The following NTRK3 variants were observed in gnomAD, a reference collection of about 807,000 sequenced individuals.
The protein encoded by NTRK3 is neurotrophic receptor tyrosine kinase 3.
NTRK3 carries 24 observed loss-of-function variants against 91.7 expected under a neutral mutation model. The ratio of observed to expected loss-of-function variants is 0.26; its 90% confidence interval spans 0.19 to 0.37. The LOEUF (loss-of-function observed/expected upper bound fraction) is 0.37, where lower values mean the gene tolerates loss of function less well. NTRK3 is among the 10% of genes least tolerant of loss of function. The probability of loss-of-function intolerance (pLI) is 1.00; values close to 1 mark genes in which losing one functional copy is unlikely to be tolerated. For missense variants in NTRK3, 880 were observed against 1,068.9 expected, an observed-to-expected ratio of 0.82 and a Z score of 2.46; for synonymous variants, 483 against 404.0, an observed-to-expected ratio of 1.20 and a Z score of -2.34.
exon 14 of NTRK3, chr15:88,032,868 T>G: frequency 6.2e-7 from 1 of 1,613,748 alleles, no homozygotes; most frequent in Non-Finnish European, 8.5e-7. Flanking sequence ...CGTGTCCGGC[T>G]TGTGGCAGTT....
chr15:88,030,815 G>A (rs2078465362), intron 14 of NTRK3, among the ~76,000 whole-genome samples: 1 of 151,500 alleles, frequency 6.6e-6, no homozygotes, highest in Non-Finnish European at 1.5e-5. Flanking sequence ...CCTGTCATCT[G>A]TCATATTTAT....
At chr15:88,148,442 A>C (rs1362867172) in intron 5 of NTRK3, among the ~76,000 whole-genome samples, 3 of 152,190 alleles carry the variant, frequency 2.0e-5, no homozygotes, top group Admixed American at 1.3e-4. Flanking sequence ...AGGAGTGCGG[A>C]GGGCTCAGAG....
chr15:88,177,828 A>G (rs1435234930), intron 5 of NTRK3, among the ~76,000 whole-genome samples: 1 of 152,236 alleles, frequency 6.6e-6, no homozygotes, highest in East Asian at 1.9e-4. Context: ...CTTTAATAGC[A>G]AAAACATATA....
intron 13 of NTRK3, among the ~76,000 whole-genome samples, chr15:88,048,029 G>A (rs1395213697): frequency 2.6e-5 from 4 of 152,172 alleles, no homozygotes; most frequent in African/African-American, 9.7e-5. Flanking sequence ...GAGGGGCCTA[G>A]CAAGTATCCT....
intron 14 of NTRK3, among the ~76,000 whole-genome samples, chr15:88,007,433 T>C (rs2076572560): frequency 6.6e-6 from 1 of 152,076 alleles, no homozygotes; most frequent in Admixed American, 6.5e-5. Flanking sequence ...TAGGACAACC[T>C]TTTTCACAAT....
chr15:88,238,459 A>G (rs1418043098), intron 3 of NTRK3, among the ~76,000 whole-genome samples: 2 of 152,216 alleles, frequency 1.3e-5, no homozygotes, highest in Admixed American at 1.3e-4. Flanking sequence ...CTTTAAAAAA[A>G]GACAGAATAT....
At chr15:87,924,453 C>A (rs2068126609) in intron 17 of NTRK3, among the ~76,000 whole-genome samples, 1 of 152,088 alleles carries the variant, frequency 6.6e-6, no homozygotes, top group African/African-American at 2.4e-5. Context: ...TGTTTATGAC[C>A]CACACCTGTG....
chr15:88,045,937 A>G (rs1229483058), intron 13 of NTRK3, among the ~76,000 whole-genome samples: 3 of 152,182 alleles, frequency 2.0e-5, no homozygotes, highest in Non-Finnish European at 4.4e-5. Context: ...CTTAAATCTT[A>G]ATTCCATCTG....
At chr15:87,911,220 T>C (rs546411790) in intron 17 of NTRK3, among the ~76,000 whole-genome samples, 1 of 152,168 alleles carries the variant, frequency 6.6e-6, no homozygotes, top group African/African-American at 2.4e-5. Context: ...TGTGTAGATA[T>C]GCAGAGGGTG....
At chr15:87,904,692 G>T (rs888927600) in intron 17 of NTRK3, among the ~76,000 whole-genome samples, 2 of 152,162 alleles carry the variant, frequency 1.3e-5, no homozygotes, top group Admixed American at 1.3e-4. Flanking sequence ...GACATATCTT[G>T]TATGTGTGAG....
intron 14 of NTRK3, among the ~76,000 whole-genome samples, chr15:87,997,673 A>C (rs940419594): frequency 9.2e-5 from 14 of 152,284 alleles, no homozygotes; most frequent in Admixed American, 5.9e-4. Context: ...CTTTTGATGG[A>C]TATGTGTTCT....
intron 13 of NTRK3, among the ~76,000 whole-genome samples, chr15:88,049,414 T>C (rs980181677): frequency 2.0e-5 from 3 of 152,174 alleles, no homozygotes; most frequent in Non-Finnish European, 4.4e-5. Flanking sequence ...AACCCCACAG[T>C]GTTTTATAAT....
intron 17 of NTRK3, among the ~76,000 whole-genome samples, chr15:87,896,374 G>A (rs2066122981): frequency 6.6e-6 from 1 of 151,872 alleles, no homozygotes; most frequent in Non-Finnish European, 1.5e-5. Flanking sequence ...AGGAGGCTGA[G>A]GCAGGAGAAT....
At chr15:88,050,483 T>C (rs1270589814) in intron 13 of NTRK3, among the ~76,000 whole-genome samples, 6 of 150,106 alleles carry the variant, frequency 4.0e-5, no homozygotes, top group Admixed American at 6.6e-5. Flanking sequence ...AATCAATATA[T>C]ACCGTGTGTG....
chr15:88,196,978 A>ACTTGAAAC lies in NTRK3; in HGVS notation c.249-12687_249-12680dup, dbSNP rs1211098717. Among the ~76,000 whole-genome samples the ACTTGAAAC allele has an allele frequency of 2.0e-5, 3 of 152,082 alleles. No individual in the cohort carries two copies. The East Asian group carries it at 5.8e-4, about 30-fold the overall frequency. ...AAACTACCTTCAATGAGTACTCCTGACTTGAAACATGGCAGCAGAGATGGT... is the reference window on the plus strand; with the variant it reads ...AAACTACCTTCAATGAGTACTCCTGACTTGAAACCTTGAAACATGGCAGCAGAGATGGT... On this transcript the variant is annotated intron_variant, in intron 3 of 18. Coordinates refer to ENST00000394480, the Ensembl canonical transcript of NTRK3.
chr15:87,870,620 A>C (rs1250315476), exon 19 of NTRK3: 3 of 212,558 alleles, frequency 1.4e-5, no homozygotes, highest in African/African-American at 6.8e-5. Flanking sequence ...TGAAAAATAG[A>C]ATAAAAGACT....
chr15:88,012,094 T>TA (rs763380109), intron 14 of NTRK3, among the ~76,000 whole-genome samples: 1 of 152,180 alleles, frequency 6.6e-6, no homozygotes, highest in Non-Finnish European at 1.5e-5. Context: ...CCCTGTACCC[T>TA]ACGGCCTTGT....
At chr15:88,091,474 G>T (rs2049008389) in intron 13 of NTRK3, among the ~76,000 whole-genome samples, 1 of 152,226 alleles carries the variant, frequency 6.6e-6, no homozygotes, top group African/African-American at 2.4e-5. Context: ...AATGGCAGTG[G>T]ACAACCAAAT....
intron 6 of NTRK3, among the ~76,000 whole-genome samples, chr15:88,144,896 T>C (rs2042742108): frequency 1.3e-5 from 2 of 152,188 alleles, no homozygotes; most frequent in South Asian, 4.1e-4. Flanking sequence ...GCAGAGGTCC[T>C]TAGTGACAGA....
Sources: gnomAD v4.1 joint callset for allele counts (sites outside exome capture counted in the v4.1 genomes callset) on GRCh38, gnomAD v4.1.1 for gene constraint, MANE v1.5 for transcripts, NCBI Gene and HGNC (gene_info 2026-07-23, HGNC 2026-07-21) for gene names.